Variants in ST3GAL3 observed in about 807,000 individuals in gnomAD.
ST3GAL3 encodes the protein ST3 beta-galactoside alpha-2,3-sialyltransferase 3.
Under a neutral mutation model 50.1 loss-of-function variants are expected in ST3GAL3, and 21 were observed. The ratio of observed to expected loss-of-function variants is 0.42; its 90% confidence interval spans 0.30 to 0.60. The LOEUF (loss-of-function observed/expected upper bound fraction) is 0.60. ST3GAL3 is among the 20% of genes least tolerant of loss of function. The pLI is 0.19. For missense variants in ST3GAL3, 353 were observed against 489.4 expected, an observed-to-expected ratio of 0.72 and a Z score of 2.63; for synonymous variants, 183 against 190.0, an observed-to-expected ratio of 0.96 and a Z score of 0.30.
chr1:43,781,107 C>A (rs1019775379), intron 2 of ST3GAL3, among the ~76,000 whole-genome samples: 1 of 152,154 alleles, frequency 6.6e-6, no homozygotes, highest in African/African-American at 2.4e-5. Flanking sequence ...CTTGAGTTTG[C>A]TGACTTCCAC....
At chr1:43,894,082 AC>A in intron 5 of ST3GAL3, 1 of 429,350 alleles carries the variant, frequency 2.3e-6, no homozygotes, top group South Asian at 2.1e-5. Context: ...TGCCTGCACA[AC>A]CTTCCAGAGA....
At chr1:43,865,960 C>T (rs1038988956) in intron 5 of ST3GAL3, among the ~76,000 whole-genome samples, 4 of 152,198 alleles carry the variant, frequency 2.6e-5, no homozygotes, top group Admixed American at 6.5e-5. Flanking sequence ...CCTTAAGATA[C>T]GTGGTCTGTG....
At chr1:43,742,571 A>G (rs1202349564) in intron 2 of ST3GAL3, among the ~76,000 whole-genome samples, 1 of 152,236 alleles carries the variant, frequency 6.6e-6, no homozygotes, top group African/African-American at 2.4e-5. Context: ...AAAAGTTACT[A>G]AGACATGCAA....
At chr1:43,828,283 G>C (rs1457971925) in intron 4 of ST3GAL3, among the ~76,000 whole-genome samples, 3 of 152,154 alleles carry the variant, frequency 2.0e-5, no homozygotes, top group African/African-American at 7.2e-5. Context: ...TGCAAAACCT[G>C]AAACTATAAT....
At chr1:43,712,421 C>T (rs1665235482) in intron 1 of ST3GAL3, among the ~76,000 whole-genome samples, 1 of 152,182 alleles carries the variant, frequency 6.6e-6, no homozygotes, top group Non-Finnish European at 1.5e-5. Context: ...AGACCAGGTG[C>T]TCTCATCATC....
At chr1:43,708,556 C>T (rs1662784933) in intron 1 of ST3GAL3, among the ~76,000 whole-genome samples, 1 of 152,130 alleles carries the variant, frequency 6.6e-6, no homozygotes, top group African/African-American at 2.4e-5. Flanking sequence ...GTTTCTAAGG[C>T]AGAATTATCT....
At chr1:43,786,747 G>T (rs2057390884) in intron 2 of ST3GAL3, among the ~76,000 whole-genome samples, 1 of 152,190 alleles carries the variant, frequency 6.6e-6, no homozygotes, top group Non-Finnish European at 1.5e-5. Flanking sequence ...AGCCTAGTGT[G>T]TCGTAGTTTC....
At position 43,899,127 on chromosome 1, in the gene ST3GAL3, G is replaced by A; in HGVS notation, c.462-41G>A. 6.2e-7 allele frequency: 1 copy of A among 1,613,404 alleles called. No individual in the cohort carries two copies. Among genetic ancestry groups the A allele is most frequent in the Non-Finnish European group, 8.5e-7 (1 of 1,179,866 alleles). On this transcript the variant is annotated intron_variant, in intron 7 of 11. Transcript: ENST00000347631. This position sits in a 1 kb window ranked among gnomAD's most constrained non-coding sequence, Gnocchi z 5.4. Reference sequence around the variant, plus strand: ...AAGGAGCAGGGAAAGAGACCTGGTGGGCAGCTCTCTGTACAGAGGTCTCCG... The same window carrying A: ...AAGGAGCAGGGAAAGAGACCTGGTGAGCAGCTCTCTGTACAGAGGTCTCCG...
chr1:43,807,427 A>AATAC (rs1246459226), intron 3 of ST3GAL3, among the ~76,000 whole-genome samples: 1 of 150,994 alleles, frequency 6.6e-6, no homozygotes, highest in African/African-American at 2.4e-5. Context: ...AAAATAAATA[A>AATAC]ATAAATAAAT....
chr1:43,879,079 T>G (rs889664955), intron 5 of ST3GAL3: 12 of 455,992 alleles, frequency 2.6e-5, no homozygotes, highest in Admixed American at 1.2e-4. Context: ...GGAAACCCAC[T>G]TTAGACAGAA....
At chr1:43,894,796 AT>A (rs1385202458) in intron 6 of ST3GAL3, among the ~76,000 whole-genome samples, 7 of 151,142 alleles carry the variant, frequency 4.6e-5, no homozygotes, top group African/African-American at 1.7e-4. Flanking sequence ...TGCCTGGCTT[AT>A]TTTTTCTTCG....
chr1:43,870,247 A>C (rs2072347746), intron 5 of ST3GAL3, among the ~76,000 whole-genome samples: 1 of 152,216 alleles, frequency 6.6e-6, no homozygotes, highest in Non-Finnish European at 1.5e-5. Flanking sequence ...AAAAACAGTT[A>C]AGAGCGAGGT....
chr1:43,829,438 T>C (rs1179365461), intron 4 of ST3GAL3, among the ~76,000 whole-genome samples: 1 of 152,236 alleles, frequency 6.6e-6, no homozygotes, highest in Admixed American at 6.5e-5. Context: ...TATCCACTGT[T>C]ACCCCTTCAG....
chr1:43,726,394 C>T (rs566130297), intron 1 of ST3GAL3, among the ~76,000 whole-genome samples: 2 of 152,018 alleles, frequency 1.3e-5, no homozygotes, highest in Admixed American at 6.5e-5. Context: ...TCAAGTAATC[C>T]TCCCTCCTCA....
At chr1:43,881,683 C>T (rs2075160379) in intron 5 of ST3GAL3, among the ~76,000 whole-genome samples, 1 of 152,196 alleles carries the variant, frequency 6.6e-6, no homozygotes, top group Non-Finnish European at 1.5e-5. Flanking sequence ...GGCCTCCCTG[C>T]CTGTCACACA....
At chr1:43,879,067 C>T (rs1223420035) in intron 5 of ST3GAL3, 1 of 456,244 alleles carries the variant, frequency 2.2e-6, no homozygotes, top group Admixed American at 2.3e-5. Context: ...ATGACTGCGG[C>T]AGGAAACCCA....
rs1262902929 is a variant in ST3GAL3 at position 43,833,029 on chromosome 1, T to C, written c.210-5190T>C. Among the ~76,000 whole-genome samples the C allele has an allele frequency of 3.9e-5, 6 of 152,294 alleles. No individual in the cohort carries two copies. The East Asian group carries it at 1.2e-3, about 29-fold the overall frequency. On this transcript the variant is annotated intron_variant, in intron 4 of 11. Coordinates refer to ENST00000347631, the MANE Select transcript of ST3GAL3 (RefSeq NM_006279.5). The stretch of plus-strand genomic sequence containing the variant: ...CATGGTCTTCTTTTCTCATAAGGAA[T>C]GCTTTAAACTAAATTAGCACATGAA...
chr1:43,925,233 A>T (rs1399181401), intron 11 of ST3GAL3, among the ~76,000 whole-genome samples: 4 of 147,518 alleles, frequency 2.7e-5, no homozygotes, highest in African/African-American at 7.4e-5. Flanking sequence ...TCAAGTGGAG[A>T]TTGCAGTGAG....
intron 1 of ST3GAL3, among the ~76,000 whole-genome samples, chr1:43,733,897 C>T (rs1347486191): frequency 6.6e-6 from 1 of 152,216 alleles, no homozygotes; most frequent in African/African-American, 2.4e-5. Flanking sequence ...GGGTGGATCA[C>T]GAGGTCAGGA....
Sources: allele counts gnomAD v4.1 joint callset (sites outside exome capture counted in the v4.1 genomes callset), GRCh38; gene constraint gnomAD v4.1.1; non-coding constraint Gnocchi (gnomAD v3.1); transcripts MANE v1.5; gene names NCBI Gene and HGNC (gene_info 2026-07-23, HGNC 2026-07-21).